The following COL5A3 variants were observed in gnomAD, a reference collection of about 807,000 sequenced individuals.
COL5A3 encodes collagen alpha-3(V) chain.
COL5A3 carries 172 observed loss-of-function variants against 250.0 expected under a neutral mutation model. That is an observed-to-expected ratio of 0.69 (90% CI 0.61 to 0.78). The LOEUF (loss-of-function observed/expected upper bound fraction) is 0.78, where lower values mean the gene tolerates loss of function less well. COL5A3 is among the 30% of genes least tolerant of loss of function. The pLI is 0.00. For missense variants in COL5A3, 2,340 were observed against 2,334.4 expected, an observed-to-expected ratio of 1.00 and a Z score of -0.05; for synonymous variants, 937 against 900.4, an observed-to-expected ratio of 1.04 and a Z score of -0.73.
chr19:9,986,402 ACCTGGAGCTCCGGGTTTCC>A lies in COL5A3; in HGVS notation c.2246_2264del (p.Gly749ValfsTer60). The A allele has an allele frequency of 1.9e-6, 3 of 1,611,838 alleles. No homozygotes were observed. Among genetic ancestry groups the A allele is most frequent in the Non-Finnish European group, 1.7e-6 (2 of 1,179,774 alleles). On this transcript the variant is annotated frameshift_variant and splice_region_variant, in exon 30 of 67. Coordinates refer to ENST00000264828, the MANE Select transcript of COL5A3 (RefSeq NM_015719.4). LOFTEE classifies it high-confidence loss of function. ...CCTCAGGACCATCCTCTCCCCGGGG[ACCTGGAGCTCCGGGTTTCC>A]CCTGGAAGAAAAAGGAGAGTATTTA...
chr19:10,007,637 G>A (rs2087462331), intron 1 of COL5A3, among the ~76,000 whole-genome samples: 1 of 152,262 alleles, frequency 6.6e-6, no homozygotes, highest in African/African-American at 2.4e-5. Flanking sequence ...GGATTCTCCA[G>A]AATCTGCCAT....
chr19:9,998,227 C>T (rs1185290534), intron 8 of COL5A3, 78 bp from the exon 9 acceptor site: 12 of 1,306,364 alleles, frequency 9.2e-6, no homozygotes, highest in Admixed American at 2.0e-5. Context: ...TGATCACACA[C>T]ACTTGCACAC....
At position 9,971,402 on chromosome 19, in the gene COL5A3, C is replaced by T. The variant is rs939242790; in HGVS notation, c.3775-144G>A. On this transcript the variant is annotated intron_variant, in intron 51 of 66. Transcript: ENST00000264828. ...ACATAAAATCCCTGGCTTGGTAGAG[C>T]GAACATTCTCGTGTTTCATGGGTGC... The T allele has an allele frequency of 3.9e-5, 25 of 645,414 alleles. No individual in the cohort carries two copies. In the South Asian group the frequency reaches 4.1e-4, roughly 11 times the overall value. The allele number at this position is 645,414 out of a possible 1,614,324, so 40.0% of individuals were successfully genotyped here. A position where few individuals can be genotyped will look rare whatever the true frequency, so the allele number is the denominator to read the frequency against.
chr19:9,972,564 G>A (rs1416580755), intron 51 of COL5A3, among the ~76,000 whole-genome samples: 3 of 152,176 alleles, frequency 2.0e-5, no homozygotes, highest in Non-Finnish European at 2.9e-5. Flanking sequence ...TTGGCCGAGC[G>A]CGGTGGCTCA....
rs1319025304 is a variant in COL5A3 at position 9,962,823 on chromosome 19, T to C, written c.4847A>G (p.Lys1616Arg). Residue 1616 changes from lysine (K) to arginine (R), a missense_variant, in exon 65 of 67, where the codon AAG (lysine) becomes AGG (arginine). Physicochemically the swap from Lys to Arg is conservative, Grantham distance 26. Transcript: ENST00000264828. ...GGWYSTFRRG[K>R]KFSYVDADGS... ...ATCTCGGCCTCGGTGACTCACCTTC[T>C]TCCCTCGACGGAATGTGCTATACCA... is the stretch of plus-strand genomic sequence containing the variant. The C allele has an allele frequency of 2.5e-6, 4 of 1,609,464 alleles. No individual in the cohort carries two copies. Among genetic ancestry groups the C allele is most frequent in the Non-Finnish European group, 3.4e-6 (4 of 1,177,632 alleles).
intron 27 of COL5A3, among the ~76,000 whole-genome samples, chr19:9,988,148 C>T (rs565733759): frequency 7.9e-5 from 12 of 152,244 alleles, no homozygotes; most frequent in Admixed American, 7.8e-4. Context: ...GCGGGAGAAT[C>T]GCTTGAACCT....
At chr19:9,972,773 T>A (rs1599537066) in intron 51 of COL5A3, 146 bp downstream of exon 51, 1 of 507,286 alleles carries the variant, frequency 2.0e-6, no homozygotes, top group Non-Finnish European at 3.4e-6. Context: ...AAGACGGAGG[T>A]TGCAGTGAGC....
rs1287484687 is a variant in COL5A3, at chr19:9,960,280, C to A, written c.*131G>T. ...CTGGAAAGGAGAAGGAATGACTGTC[C>A]GTGATGAGCGAAGTCACATCCCATT... is the stretch of plus-strand genomic sequence containing the variant. On this transcript the variant is annotated 3_prime_UTR_variant, in exon 67 of 67. Transcript: ENST00000264828. 5 of 1,129,504 alleles carry A rather than the reference C, an allele frequency of 4.4e-6. No individual in the cohort carries two copies. The highest frequency in any genetic ancestry group is 2.5e-6 in the Non-Finnish European group (2 of 792,036). 70.0% of individuals were successfully genotyped at this position (1,129,504 alleles called of 1,614,324 possible). A position where few individuals can be genotyped will look rare whatever the true frequency, so the allele number is the denominator to read the frequency against.
At chr19:9,999,907 C>A (rs945851347) in intron 8 of COL5A3, among the ~76,000 whole-genome samples, 6 of 152,058 alleles carry the variant, frequency 3.9e-5, no homozygotes, top group African/African-American at 1.4e-4. Flanking sequence ...GAGGCACGAA[C>A]CACCACGTTC....
Position 9,998,009 on chromosome 19 carries a change from C to T in COL5A3, c.1175G>A (p.Gly392Glu). 6.2e-7 allele frequency: 1 copy of T among 1,614,062 alleles called. No individual in the cohort carries two copies. The highest frequency in any genetic ancestry group is 8.5e-7 in the Non-Finnish European group (1 of 1,180,020). The change falls in exon 10 of 67, where the codon GGA (glycine) becomes GAA (glutamate). Residue 392 changes from glycine to glutamate, a missense_variant. By Grantham distance (98) the Gly-to-Glu change is moderately conservative (BLOSUM62 -2). This residue lies in a region of COL5A3 where 1,152 missense variants were observed against 1,146.3 expected (regional missense o/e 1.00). Coordinates refer to ENST00000264828, the MANE Select transcript of COL5A3 (RefSeq NM_015719.4). ...AVIEKGQQFE[G>E]PPGAPGPQGV... ...TTGGGGTCCTGGGGCTCCTGGAGGT[C>T]CCTCAAACTGCTGCCCCTGAAGGGA... is the stretch of plus-strand genomic sequence containing the variant.
intron 44 of COL5A3, 30 bp downstream of exon 44, chr19:9,977,199 C>G (rs755549385): frequency 1.2e-6 from 2 of 1,609,610 alleles, no homozygotes; most frequent in East Asian, 4.5e-5. Context: ...CTACCCACCC[C>G]ACCCTGCCCC....
At position 9,989,184 on chromosome 19, in the gene COL5A3, G is replaced by A; in HGVS notation, c.2092-7C>T. On this transcript the variant is annotated splice_region_variant and splice_polypyrimidine_tract_variant and intron_variant, in intron 26 of 66. Transcript: ENST00000264828. ...CTGCCGACCCTGGTGGACCCTGGGA[G>A]GAAAATAAGGTCAGTGCCATTCTAG... 1 of 1,614,152 alleles carries A rather than the reference G, an allele frequency of 6.2e-7. No homozygotes were observed. Among genetic ancestry groups the A allele is most frequent in the Non-Finnish European group, 8.5e-7 (1 of 1,179,976 alleles).
At chr19:9,980,774 T>C in intron 34 of COL5A3, 32 bp downstream of exon 34, 8 of 1,613,356 alleles carry the variant, frequency 5.0e-6, no homozygotes, top group Non-Finnish European at 6.8e-6. Context: ...GCCTGGGGCA[T>C]GGGGGGCCTT....
At chr19:9,967,511 TCA>T (rs1405400467) in intron 61 of COL5A3, 111 bp from the exon 62 acceptor site, 16 of 742,854 alleles carry the variant, frequency 2.2e-5, no homozygotes, top group Middle Eastern at 2.8e-4. Context: ...ACACACAGTC[TCA>T]CACACTCACA....
chr19:9,967,848 A>G, intron 61 of COL5A3, 56 bp downstream of exon 61: 2 of 1,547,924 alleles, frequency 1.3e-6, no homozygotes, highest in Non-Finnish European at 1.8e-6. Flanking sequence ...GTTCTGGTGC[A>G]GTGAAGGGGG....
At chr19:9,989,046 G>A in intron 27 of COL5A3, 78 bp downstream of exon 27, 1 of 1,469,474 alleles carries the variant, frequency 6.8e-7, no homozygotes, top group South Asian at 1.1e-5. Flanking sequence ...CACACATCCA[G>A]AAGTTTCTGA....
Position 9,978,585 on chromosome 19 carries a change from C to T in COL5A3, c.3007G>A (p.Val1003Met), listed in dbSNP as rs779423291. The T allele has an allele frequency of 6.3e-7, 1 of 1,582,096 alleles. No homozygotes were observed. Among genetic ancestry groups the T allele is most frequent in the Non-Finnish European group, 8.6e-7 (1 of 1,163,716 alleles). ...LKGDKGPPGPVGANGSPGERG... is the reference protein window; with the variant it reads ...LKGDKGPPGPMGANGSPGERG... ...GGGGTTATACTTACATTGGCCCCCA[C>T]GGGCCCTGGGGGGCCCTTATCACCC... Residue 1003 changes from valine (V) to methionine (M), a missense_variant, in exon 41 of 67, where the codon GTG (valine) becomes ATG (methionine). Coordinates refer to ENST00000264828, the MANE Select transcript of COL5A3 (RefSeq NM_015719.4).
intron 35 of COL5A3, 30 bp downstream of exon 35, chr19:9,980,618 T>TTCA: frequency 1.3e-6 from 2 of 1,493,026 alleles, no homozygotes; most frequent in Non-Finnish European, 1.8e-6. Context: ...ACACACACAT[T>TTCA]CACACACACA....
chr19:10,004,551 G>A (rs764783673), intron 4 of COL5A3, among the ~76,000 whole-genome samples: 9 of 152,146 alleles, frequency 5.9e-5, no homozygotes, highest in Non-Finnish European at 2.9e-5. Context: ...GGCTGGTCCC[G>A]AACTCCTGGC....
Sources: gnomAD v4.1 joint callset for allele counts (sites outside exome capture counted in the v4.1 genomes callset) on GRCh38, gnomAD v4.1.1 for gene constraint, gnomAD v4.1.1 regional missense constraint, MANE v1.5 for transcripts, NCBI Gene and HGNC (gene_info 2026-07-23, HGNC 2026-07-21) for gene names.